Variants in GALNT16 observed in about 807,000 individuals in gnomAD.
The protein encoded by GALNT16 is UDP-GalNAc:polypeptide N-acetylgalactosaminyltransferase-like protein 1.
GALNT16 carries 40 observed loss-of-function variants against 76.1 expected under a neutral mutation model. The ratio of observed to expected loss-of-function variants is 0.53; its 90% CI spans 0.41 to 0.68. The LOEUF (loss-of-function observed/expected upper bound fraction) is 0.68, where lower values mean the gene tolerates loss of function less well. Among genes scored for constraint, GALNT16 ranks in the 30% least tolerant of loss-of-function variants. GALNT16 has a pLI of 0.00. For missense variants in GALNT16, 621 were observed against 731.9 expected (o/e 0.85, Z 1.75); for synonymous variants, 276 against 285.2 (o/e 0.97, Z 0.32).
chr14:69,340,510 A>C (rs1469740822), intron 11 of GALNT16, among the ~76,000 whole-genome samples: 1 of 147,164 alleles, frequency 6.8e-6, no homozygotes, highest in Non-Finnish European at 1.5e-5. Context: ...TTCTAGATGG[A>C]GTCTCATTCT....
chr14:69,360,932 A>C (rs1426824230), downstream of GALNT16, among the ~76,000 whole-genome samples: 1 of 152,220 alleles, frequency 6.6e-6, no homozygotes, highest in Admixed American at 6.5e-5. Context: ...TGCCCCTGCT[A>C]AGCAAGCTGC....
At chr14:69,321,129 G>C (rs1026561242) in intron 2 of GALNT16, among the ~76,000 whole-genome samples, 4 of 152,226 alleles carry the variant, frequency 2.6e-5, no homozygotes, top group Non-Finnish European at 4.4e-5. Flanking sequence ...AAAGTGACCT[G>C]GGAGGGGACC....
intron 4 of GALNT16, 44 bp downstream of exon 4, chr14:69,325,448 G>A (rs547061121): frequency 4.6e-5 from 53 of 1,157,896 alleles, no homozygotes; most frequent in South Asian, 2.6e-4. Flanking sequence ...TTCCGCCCTC[G>A]TCCCTGTTTC....
chr14:69,279,185 G>T (rs945955280), intron 1 of GALNT16, among the ~76,000 whole-genome samples: 4 of 152,172 alleles, frequency 2.6e-5, no homozygotes, highest in Admixed American at 1.3e-4. Context: ...GCCCACCTTG[G>T]CCTCCCAAAG....
downstream of GALNT16, chr14:69,357,250 G>GAT (rs2045700200): frequency 6.6e-6 from 1 of 152,290 alleles, no homozygotes; most frequent in Non-Finnish European, 1.5e-5. Flanking sequence ...CTCTCCAGAA[G>GAT]ATGATGCTTC....
chr14:69,341,066 G>T (rs564352435), intron 11 of GALNT16, among the ~76,000 whole-genome samples: 59 of 152,198 alleles, frequency 3.9e-4, no homozygotes, highest in African/African-American at 1.3e-3. Flanking sequence ...CTTAGCACCT[G>T]CCCTGTGCTA....
chr14:69,337,065 A>AT (rs1359804516), intron 9 of GALNT16, among the ~76,000 whole-genome samples: 1 of 152,038 alleles, frequency 6.6e-6, no homozygotes, highest in Non-Finnish European at 1.5e-5. Flanking sequence ...GTTTACTTGC[A>AT]TTTTTTTGCC....
At chr14:69,260,136 A>ACCACC, upstream of GALNT16, 8 of 113,994 alleles carry the variant, frequency 7.0e-5, 1 homozygote, top group South Asian at 1.3e-3. Flanking sequence ...TCTCCCTATC[A>ACCACC]CCCCCCCGCC....
intron 4 of GALNT16, among the ~76,000 whole-genome samples, chr14:69,325,735 G>A (rs2045273648): frequency 6.6e-6 from 1 of 152,224 alleles, no homozygotes; most frequent in African/African-American, 2.4e-5. Flanking sequence ...GCTTTCTAGT[G>A]CTCCCTGAGG....
At chr14:69,338,872 C>A in intron 10 of GALNT16, 95 bp downstream of exon 10, 1 of 984,782 alleles carries the variant, frequency 1.0e-6, no homozygotes, top group Non-Finnish European at 1.5e-6. Context: ...TGTGGGCAGC[C>A]ACCTCACTTC....
chr14:69,372,097 G>T, the GALNT16 span, among the ~76,000 whole-genome samples: 1 of 152,138 alleles, frequency 6.6e-6, no homozygotes, highest in Non-Finnish European at 1.5e-5. Context: ...TACCTTTATG[G>T]ATGAGCAGGA....
At chr14:69,336,106 G>A (rs943828019) in intron 9 of GALNT16, among the ~76,000 whole-genome samples, 1 of 152,012 alleles carries the variant, frequency 6.6e-6, no homozygotes, top group Non-Finnish European at 1.5e-5. Flanking sequence ...CTCCACGTGG[G>A]CTGCACGGCC....
At position 69,347,138 on chromosome 14, in the gene GALNT16, T is replaced by C. The variant is rs772073715; in HGVS notation, c.1370T>C (p.Met457Thr). 24 of 1,613,570 alleles carry C rather than the reference T, an allele frequency of 1.5e-5. 1 individual carries two copies. In the South Asian group the frequency reaches 1.6e-4, roughly 11 times the overall value. Residue 457 changes from methionine (M) to threonine (T), a missense_variant, in exon 13 of 15, where the codon ATG (methionine) becomes ACG (threonine). Coordinates refer to ENST00000448469, the MANE Select transcript of GALNT16 (RefSeq NM_001168368.2). ...QNTAGDFLLGMGICRGSAKNP... is the reference protein window; with the variant it reads ...QNTAGDFLLGTGICRGSAKNP... ...ACAGCTGGTGACTTCCTGCTTGGAA[T>C]GGGGATCTGCAGAGGGTCTGCCAAG...
At chr14:69,260,577 G>C (rs2044252139) in intron 1 of GALNT16, 110 bp downstream of exon 1, 2 of 716,084 alleles carry the variant, frequency 2.8e-6, no homozygotes, top group South Asian at 6.9e-5. Context: ...TGCCCGCTGC[G>C]CCGGGCCGGC....
At chr14:69,300,190 G>A (rs920748870) in intron 1 of GALNT16, among the ~76,000 whole-genome samples, 5 of 152,212 alleles carry the variant, frequency 3.3e-5, no homozygotes, top group Admixed American at 2.0e-4. Context: ...TCCCCTTGAA[G>A]AACTTGTATT....
intron 13 of GALNT16, 115 bp from the exon 14 acceptor site, chr14:69,347,762 T>A (rs1241731898): frequency 9.1e-7 from 1 of 1,095,424 alleles, no homozygotes; most frequent in Non-Finnish European, 1.3e-6. Flanking sequence ...GCTCCTACAA[T>A]TATTTGTAGA....
intron 6 of GALNT16, among the ~76,000 whole-genome samples, chr14:69,329,163 G>A (rs2045322843): frequency 6.6e-6 from 1 of 152,202 alleles, no homozygotes; most frequent in African/African-American, 2.4e-5. Context: ...TTCAAGACCA[G>A]CCTGGCCAAC....
the GALNT16 span, among the ~76,000 whole-genome samples, chr14:69,376,534 G>A: frequency 6.6e-6 from 1 of 151,946 alleles, no homozygotes; most frequent in Non-Finnish European, 1.5e-5. Flanking sequence ...ATCCTGTTTA[G>A]TAATACATTG....
chr14:69,278,197 C>T (rs1217492424), intron 1 of GALNT16, among the ~76,000 whole-genome samples: 3 of 152,008 alleles, frequency 2.0e-5, no homozygotes, highest in East Asian at 1.9e-4. Flanking sequence ...TTTGGAAAGA[C>T]GGGGTCTCAC....
Sources: gnomAD v4.1 joint callset for allele counts (sites outside exome capture counted in the v4.1 genomes callset) on GRCh38, gnomAD v4.1.1 for gene constraint, MANE v1.5 for transcripts, NCBI Gene and HGNC (gene_info 2026-07-23, HGNC 2026-07-21) for gene names.